NELL1: variants seen among roughly 807,000 people sequenced by gnomAD.
NELL1 encodes the protein protein kinase C-binding protein NELL1.
NELL1 carries 76 observed loss-of-function variants against 107.4 expected under a neutral mutation model. The observed-to-expected ratio is 0.71, with a 90% CI of 0.59 to 0.86. The LOEUF (loss-of-function observed/expected upper bound fraction) is 0.86, where lower values mean the gene tolerates loss of function less well. Ranked by LOEUF, NELL1 falls within the 40% of genes least tolerant of loss-of-function variation. The probability of loss-of-function intolerance (pLI) is 0.00; values close to 1 mark genes in which losing one functional copy is unlikely to be tolerated. For synonymous variants in NELL1, 353 were observed against 341.2 expected (o/e 1.03, Z -0.38); for missense variants, 1,024 against 1,005.5 (o/e 1.02, Z -0.25).
intron 12 of NELL1, among the ~76,000 whole-genome samples, chr11:20,960,806 T>C (rs1590466234): frequency 1.3e-5 from 2 of 152,280 alleles, no homozygotes; most frequent in Non-Finnish European, 2.9e-5. Flanking sequence ...CAGGGACATA[T>C]CAAATCCCAT....
At chr11:21,325,231 T>TTTGTC (rs1850104356) in intron 14 of NELL1, among the ~76,000 whole-genome samples, 1 of 152,124 alleles carries the variant, frequency 6.6e-6, no homozygotes, top group Non-Finnish European at 1.5e-5. Flanking sequence ...TCAGACTGAA[T>TTTGTC]ATATAATTCT....
At chr11:21,332,725 T>C (rs1263093355) in intron 14 of NELL1, among the ~76,000 whole-genome samples, 3 of 152,144 alleles carry the variant, frequency 2.0e-5, no homozygotes, top group Admixed American at 6.6e-5. Context: ...TATTTTCCTT[T>C]GTGTCATTCA....
intron 2 of NELL1, among the ~76,000 whole-genome samples, chr11:20,762,817 G>C (rs945332099): frequency 6.6e-6 from 1 of 152,086 alleles, no homozygotes; most frequent in South Asian, 2.1e-4. Context: ...CATGGGGTCT[G>C]GATCATTTGG....
intron 12 of NELL1, among the ~76,000 whole-genome samples, chr11:21,006,993 G>A (rs1246606607): frequency 6.6e-6 from 1 of 152,080 alleles, no homozygotes; most frequent in Non-Finnish European, 1.5e-5. Flanking sequence ...GGGGTAGCTG[G>A]TGATATATTG....
intron 5 of NELL1, among the ~76,000 whole-genome samples, chr11:20,886,532 GGAGA>G: frequency 6.6e-6 from 1 of 151,948 alleles, no homozygotes; most frequent in Non-Finnish European, 1.5e-5. Context: ...TATATGGAGG[GGAGA>G]GAAAGCCAGA....
At chr11:21,150,591 A>G (rs918166549) in intron 13 of NELL1, among the ~76,000 whole-genome samples, 3 of 152,206 alleles carry the variant, frequency 2.0e-5, no homozygotes, top group Non-Finnish European at 2.9e-5. Context: ...CCTGGGCAAT[A>G]GGACACTGAG....
intron 14 of NELL1, among the ~76,000 whole-genome samples, chr11:21,292,518 G>C (rs1208260182): frequency 1.3e-5 from 2 of 152,098 alleles, no homozygotes; most frequent in Non-Finnish European, 2.9e-5. Flanking sequence ...GTAATTTATA[G>C]ATTCAATGCT....
At chr11:21,114,037 G>A (rs759078790) in intron 13 of NELL1, among the ~76,000 whole-genome samples, 39 of 151,890 alleles carry the variant, frequency 2.6e-4, no homozygotes, top group Non-Finnish European at 5.2e-4. Flanking sequence ...AATTATTTTC[G>A]TTGCATCATG....
chr11:21,235,884 A>C (rs1314859365), intron 14 of NELL1, among the ~76,000 whole-genome samples: 1 of 152,030 alleles, frequency 6.6e-6, no homozygotes, highest in Non-Finnish European at 1.5e-5. Flanking sequence ...TTTTTCTCTT[A>C]ATCTATTTTC....
chr11:21,386,771 G>A (rs1039017685), intron 15 of NELL1, among the ~76,000 whole-genome samples: 12 of 151,912 alleles, frequency 7.9e-5, no homozygotes, highest in African/African-American at 2.7e-4. Flanking sequence ...CTATGCCTTC[G>A]CCTTTTGGAG....
At chr11:21,278,489 T>C (rs931419488) in intron 14 of NELL1, among the ~76,000 whole-genome samples, 2 of 152,160 alleles carry the variant, frequency 1.3e-5, no homozygotes, top group African/African-American at 4.8e-5. Context: ...GTTTTTTCTG[T>C]ATACTGGCAA....
chr11:20,980,107 G>A (rs571017230), intron 12 of NELL1, among the ~76,000 whole-genome samples: 1 of 152,214 alleles, frequency 6.6e-6, no homozygotes, highest in South Asian at 2.1e-4. Flanking sequence ...AGTTTGAAAA[G>A]TTGACTTTCC....
chr11:20,859,436 C>T (rs1848938408), intron 4 of NELL1, among the ~76,000 whole-genome samples: 1 of 152,098 alleles, frequency 6.6e-6, no homozygotes, highest in Admixed American at 6.5e-5. Context: ...GATTTGTATG[C>T]CTTGTGTGGG....
chr11:21,202,718 A>C (rs530793062), intron 13 of NELL1, among the ~76,000 whole-genome samples: 38 of 152,224 alleles, frequency 2.5e-4, no homozygotes, highest in Admixed American at 8.5e-4. Context: ...TTGTGATGCT[A>C]GGGTGTCATT....
At chr11:21,420,508 T>C (rs543847822) in intron 15 of NELL1, among the ~76,000 whole-genome samples, 89 of 152,184 alleles carry the variant, frequency 5.8e-4, no homozygotes, top group African/African-American at 2.1e-3. Context: ...AAAAGTTAAG[T>C]ATCTGCAGAG....
intron 14 of NELL1, among the ~76,000 whole-genome samples, chr11:21,330,064 C>T (rs1005892966): frequency 1.1e-4 from 16 of 151,886 alleles, no homozygotes; most frequent in Middle Eastern, 3.4e-3. Context: ...TTCCTTTTTT[C>T]CTGTGGATCT....
intron 13 of NELL1, among the ~76,000 whole-genome samples, chr11:21,130,298 G>C (rs1855585836): frequency 6.6e-6 from 1 of 152,094 alleles, no homozygotes; most frequent in South Asian, 2.1e-4. Context: ...CACAGATTCT[G>C]GGTCATGGCT....
chr11:21,005,228 C>G (rs547113106), intron 12 of NELL1, among the ~76,000 whole-genome samples: 2 of 152,272 alleles, frequency 1.3e-5, no homozygotes, highest in African/African-American at 4.8e-5. Flanking sequence ...AGGTTTACTT[C>G]TACTTCTCAT....
At chr11:21,048,105 C>A (rs1305410258) in intron 12 of NELL1, among the ~76,000 whole-genome samples, 1 of 150,908 alleles carries the variant, frequency 6.6e-6, no homozygotes, top group Non-Finnish European at 1.5e-5. Flanking sequence ...TAGAGTAGAC[C>A]CAGTTATGAC....
Sources: allele counts gnomAD v4.1 joint callset (sites outside exome capture counted in the v4.1 genomes callset), GRCh38; gene constraint gnomAD v4.1.1; transcripts MANE v1.5; gene names NCBI Gene and HGNC (gene_info 2026-07-23, HGNC 2026-07-21).